Variants in PFKM observed in about 807,000 individuals in gnomAD.
The protein encoded by PFKM is phosphofructokinase, muscle.
A neutral mutation model predicts 95.5 loss-of-function variants in PFKM; 58 were observed. The observed-to-expected ratio is 0.61, with a 90% CI of 0.49 to 0.76. The LOEUF is 0.76. Ranked by LOEUF, PFKM falls within the 30% of genes least tolerant of loss-of-function variation. The pLI is 0.00. For missense variants in PFKM, 678 were observed against 1,005.4 expected, an observed-to-expected ratio of 0.67 and a Z score of 4.40; for synonymous variants, 336 against 357.2, an observed-to-expected ratio of 0.94 and a Z score of 0.67.
intron 12 of PFKM, 139 bp downstream of exon 12, chr12:48,139,488 A>G (rs1226843781): frequency 2.7e-6 from 2 of 732,678 alleles, no homozygotes; most frequent in South Asian, 1.5e-5. Flanking sequence ...TTCCTGCCCA[A>G]GAAAATTAGT....
rs117340369 is a variant in PFKM, at chr12:48,133,106, C to T, written c.427+49C>T. The T allele has an allele frequency of 1.9e-4, 286 of 1,522,150 alleles. No individual in the cohort carries two copies. In the East Asian group the frequency reaches 5.3e-3, roughly 28 times the overall value. The allele number at this position is 1,522,150 out of a possible 1,614,324, so 94.3% of individuals were successfully genotyped here. On this transcript the variant is annotated intron_variant, in intron 5 of 22. Coordinates refer to ENST00000359794, the MANE Select transcript of PFKM (RefSeq NM_000289.6). ...TTGCTTATTTGTGTCGGTACGTGCA[C>T]GCGTGTACACACACACATCGCCCCC...
intron 14 of PFKM, 121 bp from the exon 15 acceptor site, chr12:48,141,190 T>C (rs1475211957): frequency 9.8e-6 from 9 of 916,766 alleles, no homozygotes; most frequent in Non-Finnish European, 7.3e-6. Context: ...TAATACCTGG[T>C]GTACCTTTTC....
chr12:48,139,016 G>A (rs1194396133), intron 11 of PFKM, among the ~76,000 whole-genome samples: 1 of 152,156 alleles, frequency 6.6e-6, no homozygotes, highest in Non-Finnish European at 1.5e-5. Context: ...ACTCCAGCCT[G>A]GGCGACAGAG....
chr12:48,112,859 G>A (rs183385796), intron 3 of PFKM, among the ~76,000 whole-genome samples: 2 of 152,166 alleles, frequency 1.3e-5, no homozygotes, highest in Admixed American at 6.5e-5. Flanking sequence ...TCCTTTTAAA[G>A]TGTGCTGCGG....
chr12:48,129,088 AAG>A (rs1949146133), intron 2 of PFKM, among the ~76,000 whole-genome samples: 1 of 152,158 alleles, frequency 6.6e-6, no homozygotes, highest in Admixed American at 6.5e-5. Flanking sequence ...GTGCTCCTGG[AAG>A]AGAGTTCTTT....
intron 3 of PFKM, 29 bp from the exon 4 acceptor site, chr12:48,131,287 G>A (rs748628565): frequency 3.7e-5 from 56 of 1,493,346 alleles, no homozygotes; most frequent in East Asian, 2.5e-4. Context: ...GAAGCCTAAC[G>A]GGCTGAACAG....
At chr12:48,114,856 T>C (rs1216908056), upstream of PFKM, among the ~76,000 whole-genome samples, 2 of 152,280 alleles carry the variant, frequency 1.3e-5, 1 homozygote, top group South Asian at 4.1e-4. Context: ...TTTGTATTGG[T>C]GCAAAGCGGT....
rs111825066 is a variant in PFKM, at chr12:48,120,964, G to A, written c.-9+1558G>A. Among the ~76,000 whole-genome samples, 452 of 152,252 alleles carry A rather than the reference G, an allele frequency of 3.0e-3. 4 individuals carry two copies. Among genetic ancestry groups the A allele is most frequent in the African/African-American group, 0.01 (427 of 41,546 alleles). The stretch of plus-strand genomic sequence containing the variant: ...TCAGGAGTTCAAGACCAGCTTGACC[G>A]ACATGGTGAAAACCCGTCTCAATTA... On this transcript the variant is annotated intron_variant, in intron 1 of 22. Coordinates refer to ENST00000359794, the MANE Select transcript of PFKM (RefSeq NM_000289.6).
At chr12:48,112,884 A>G (rs1323644547) in intron 3 of PFKM, among the ~76,000 whole-genome samples, 1 of 152,098 alleles carries the variant, frequency 6.6e-6, no homozygotes, top group Non-Finnish European at 1.5e-5. Flanking sequence ...GGATATTGGC[A>G]TTGAGTGGGG....
At chr12:48,105,659 C>T, upstream of PFKM, 1 of 428,752 alleles carries the variant, frequency 2.3e-6, no homozygotes, top group Non-Finnish European at 4.4e-6. Flanking sequence ...AACAGCTCTC[C>T]CCAGAGAAGA....
Position 48,139,293 on chromosome 12 carries a change from T to C in PFKM, c.1071T>C (p.Asp357=). 1.2e-6 allele frequency: 2 copies of C among 1,613,462 alleles called. No individual in the cohort carries two copies. Among genetic ancestry groups the C allele is most frequent in the South Asian group, 2.2e-5 (2 of 91,054 alleles). Residue 357 remains aspartate, a synonymous_variant, in exon 12 of 23, where the codon GAT becomes GAC. Coordinates refer to ENST00000359794, the MANE Select transcript of PFKM (RefSeq NM_000289.6). ...CTGTGCTCCCCCCTCAGACCAAAGA[T>C]GTGACCAAGGCCATGGATGAGAAGA... ...PLMECVQVTK[D]VTKAMDEKKF... is the part of the protein sequence containing the mutation.
At chr12:48,119,980 C>A (rs561235358) in intron 1 of PFKM, 1 of 152,278 alleles carries the variant, frequency 6.6e-6, no homozygotes, top group Non-Finnish European at 1.5e-5. Flanking sequence ...CCCTCACTGA[C>A]GCTTCCAGGG....
At chr12:48,119,244 C>G, upstream of PFKM, 2 of 981,610 alleles carry the variant, frequency 2.0e-6, no homozygotes, top group South Asian at 4.7e-5. Context: ...GGAGGCGGAG[C>G]CTTCTTGTCA....
intron 3 of PFKM, among the ~76,000 whole-genome samples, chr12:48,110,211 G>A (rs1390899593): frequency 6.6e-6 from 1 of 152,186 alleles, no homozygotes; most frequent in African/African-American, 2.4e-5. Flanking sequence ...GGGACAATAG[G>A]CTGTGAAACG....
exon 2 of PFKM, chr12:48,107,445 T>C: frequency 6.3e-7 from 1 of 1,592,400 alleles, no homozygotes; most frequent in African/African-American, 1.3e-5. Context: ...TCAGGACTCC[T>C]CAGAGAACAG....
intron 2 of PFKM, among the ~76,000 whole-genome samples, chr12:48,126,553 AC>A (rs1333491759): frequency 6.6e-6 from 1 of 152,176 alleles, no homozygotes; most frequent in Non-Finnish European, 1.5e-5. Context: ...GTCCCTGCCC[AC>A]CATCTGTTGT....
intron 2 of PFKM, chr12:48,125,441 G>T (rs1226037871): frequency 2.5e-6 from 1 of 395,758 alleles, no homozygotes; most frequent in Non-Finnish European, 5.0e-6. Flanking sequence ...GACCAACATG[G>T]AGAAACCCCG....
At chr12:48,139,515 G>T (rs931443129) in intron 12 of PFKM, 166 bp downstream of exon 12, 4 of 678,708 alleles carry the variant, frequency 5.9e-6, no homozygotes, top group African/African-American at 1.8e-5. Flanking sequence ...GTGACTGGGA[G>T]GCTCAGTTCA....
chr12:48,142,431 C>G, intron 17 of PFKM: 1 of 430,454 alleles, frequency 2.3e-6, no homozygotes, highest in Non-Finnish European at 4.3e-6. Flanking sequence ...AGAGATCGTG[C>G]CACTTTACTC....
Sources: gnomAD v4.1 joint callset for allele counts (sites outside exome capture counted in the v4.1 genomes callset) on GRCh38, gnomAD v4.1.1 for gene constraint, MANE v1.5 for transcripts, NCBI Gene and HGNC (gene_info 2026-07-23, HGNC 2026-07-21) for gene names.